NRG1: variants seen among roughly 807,000 people sequenced by gnomAD.
NRG1 encodes the protein neuregulin 1, also known as pro-neuregulin-1, membrane-bound isoform.
Under a neutral mutation model 63.8 loss-of-function variants are expected in NRG1, and 18 were observed. The ratio of observed to expected loss-of-function variants is 0.28; its 90% confidence interval spans 0.19 to 0.42. The LOEUF (loss-of-function observed/expected upper bound fraction) is 0.42. Among genes scored for constraint, NRG1 ranks in the 10% least tolerant of loss-of-function variants. The probability of loss-of-function intolerance (pLI) is 1.00; values close to 1 mark genes in which losing one functional copy is unlikely to be tolerated. For missense variants in NRG1, 762 were observed against 814.7 expected (o/e 0.94, Z 0.79); for synonymous variants, 302 against 301.3 (o/e 1.00, Z -0.02).
At chr8:32,550,976 T>G (rs919906312) in intron 1 of NRG1, among the ~76,000 whole-genome samples, 4 of 152,354 alleles carry the variant, frequency 2.6e-5, no homozygotes, top group Admixed American at 1.3e-4. Flanking sequence ...GATAAGAATA[T>G]GTATTCTTTA....
intron 1 of NRG1, among the ~76,000 whole-genome samples, chr8:32,019,345 G>T (rs539855180): frequency 6.6e-6 from 1 of 152,254 alleles, no homozygotes; most frequent in East Asian, 1.9e-4. Flanking sequence ...TGATCTGCTC[G>T]CCTTGGCCTC....
At chr8:32,030,736 A>G (rs77655796) in intron 1 of NRG1, among the ~76,000 whole-genome samples, 1,849 of 152,298 alleles carry the variant, frequency 0.012, 35 homozygotes, top group South Asian at 0.086. Flanking sequence ...TACTAAAGGA[A>G]TAAGTTCCCA....
At chr8:32,110,002 A>C (rs544854583) in intron 1 of NRG1, among the ~76,000 whole-genome samples, 1 of 152,238 alleles carries the variant, frequency 6.6e-6, no homozygotes, top group South Asian at 2.1e-4. Context: ...GTTCAATGGA[A>C]CTGACAATTC....
chr8:31,736,160 A>G (rs534255522), intron 1 of NRG1, among the ~76,000 whole-genome samples: 1 of 151,996 alleles, frequency 6.6e-6, no homozygotes, highest in African/African-American at 2.4e-5. Flanking sequence ...TTTTTCTACC[A>G]CCGCCCTCAG....
rs116139955 is a variant in NRG1, at chr8:32,540,499, T to G, written c.38-55329T>G. ...GAAAGCAAGAGAAAAGACACCTTAG[T>G]AAAAGTAACTTTCTTCTTCCACCTA... On this transcript the variant is annotated intron_variant, in intron 1 of 10. Transcript: ENST00000519301. 2.4e-3 allele frequency among the ~76,000 whole-genome samples: 370 copies of G among 152,304 alleles called. 3 individuals carry two copies. The highest frequency in any genetic ancestry group is 8.6e-3 in the African/African-American group (357 of 41,568).
chr8:32,762,829 G>A (rs1258740668), intron 11 of NRG1, among the ~76,000 whole-genome samples: 1 of 152,140 alleles, frequency 6.6e-6, no homozygotes, highest in Non-Finnish European at 1.5e-5. Context: ...CTTATACTGG[G>A]GGAAGAAAGC....
At chr8:32,525,371 C>A (rs1362665764) in intron 1 of NRG1, among the ~76,000 whole-genome samples, 1 of 148,020 alleles carries the variant, frequency 6.8e-6, no homozygotes, top group African/African-American at 2.5e-5. Flanking sequence ...AGATTATTCT[C>A]ATCTTAAGCA....
intron 1 of NRG1, among the ~76,000 whole-genome samples, chr8:32,387,351 G>A (rs918453031): frequency 4.6e-5 from 7 of 152,186 alleles, no homozygotes; most frequent in African/African-American, 1.7e-4. Flanking sequence ...GAAAGCCTTT[G>A]CATTCTAAGA....
At chr8:32,614,450 C>A in intron 3 of NRG1, 64 bp from the exon 4 acceptor site, 1 of 1,509,748 alleles carries the variant, frequency 6.6e-7, no homozygotes, top group Non-Finnish European at 9.2e-7. Flanking sequence ...CCAAGGCAGG[C>A]TGTGGTACCT....
rs190320085 is a variant in NRG1 at position 31,977,050 on chromosome 8, A to G, written c.37+337619A>G. Among the ~76,000 whole-genome samples the G allele has an allele frequency of 1.3e-3, 204 of 152,308 alleles. 1 individual carries two copies. The highest frequency in any genetic ancestry group is 4.9e-3 in the African/African-American group (202 of 41,584). ...AATCTCGACTACACTAATTCAGAGC[A>G]TGAGCTCTTTGCCTTTGTGCATGAA... On this transcript the variant is annotated intron_variant, in intron 1 of 10. Coordinates refer to the NRG1 transcript ENST00000519301.
intron 1 of NRG1, among the ~76,000 whole-genome samples, chr8:31,673,660 A>G (rs983642107): frequency 6.6e-6 from 1 of 151,806 alleles, no homozygotes; most frequent in Non-Finnish European, 1.5e-5. Context: ...GAGGTCTTTT[A>G]CTCTTTTGTC....
chr8:32,188,196 CG>C (rs1305869100), intron 1 of NRG1, among the ~76,000 whole-genome samples: 1 of 151,976 alleles, frequency 6.6e-6, no homozygotes, highest in African/African-American at 2.4e-5. Context: ...CCTCCTCAGC[CG>C]CTGGGATTAC....
intron 5 of NRG1, among the ~76,000 whole-genome samples, chr8:32,696,452 A>C (rs974804635): frequency 6.6e-6 from 1 of 152,096 alleles, no homozygotes; most frequent in Non-Finnish European, 1.5e-5. Context: ...TGCAGCAACA[A>C]TAACCTCTGG....
rs1838417390 is a variant in NRG1 at position 32,158,458 on chromosome 8, T to TGTATATGTATATGTTTGGTTTACATG, written c.38-437370_38-437369insGTATATGTATATGTTTGGTTTACATG. 3.2e-5 allele frequency among the ~76,000 whole-genome samples: 4 copies of TGTATATGTATATGTTTGGTTTACATG among 126,068 alleles called. No individual in the cohort carries two copies. In the Admixed American group the frequency reaches 3.4e-4, roughly 11 times the overall value. 82.7% of individuals were successfully genotyped at this position (126,068 alleles called of 152,430 possible). On this transcript the variant is annotated intron_variant, in intron 1 of 10. Coordinates refer to the NRG1 transcript ENST00000519301. Reference sequence around the variant, plus strand: ...TTGTTTGGTTTACATGATATATATATATATATATATATATCATGTATATGT... The same window carrying TGTATATGTATATGTTTGGTTTACATG: ...TTGTTTGGTTTACATGATATATATATGTATATGTATATGTTTGGTTTACATGATATATATATATATCATGTATATGT...
chr8:31,900,796 A>G (rs1832013864), intron 1 of NRG1, among the ~76,000 whole-genome samples: 1 of 152,156 alleles, frequency 6.6e-6, no homozygotes, highest in South Asian at 2.1e-4. Context: ...TATAGCAATC[A>G]AGAATTTGCC....
At chr8:31,947,193 G>T (rs1260680579) in intron 1 of NRG1, among the ~76,000 whole-genome samples, 2 of 151,592 alleles carry the variant, frequency 1.3e-5, no homozygotes, top group East Asian at 2.0e-4. Flanking sequence ...CCAGCTACTC[G>T]GGAGGCTGAG....
chr8:32,403,732 C>T (rs1267699102), intron 1 of NRG1, among the ~76,000 whole-genome samples: 1 of 152,124 alleles, frequency 6.6e-6, no homozygotes, highest in Non-Finnish European at 1.5e-5. Context: ...ATCAGATCGA[C>T]ATCCTAGAGA....
chr8:32,206,933 T>C (rs1844129124), intron 1 of NRG1, among the ~76,000 whole-genome samples: 1 of 152,190 alleles, frequency 6.6e-6, no homozygotes, highest in South Asian at 2.1e-4. Context: ...ATTATTATTC[T>C]AATTATTGTG....
chr8:31,722,135 G>C (rs1185938126), intron 1 of NRG1, among the ~76,000 whole-genome samples: 1 of 151,972 alleles, frequency 6.6e-6, no homozygotes, highest in African/African-American at 2.4e-5. Flanking sequence ...GACATACAAG[G>C]CTCTTAGGAC....
Sources: allele counts gnomAD v4.1 joint callset (sites outside exome capture counted in the v4.1 genomes callset), GRCh38; gene constraint gnomAD v4.1.1; transcripts MANE v1.5; gene names NCBI Gene and HGNC (gene_info 2026-07-23, HGNC 2026-07-21).